PRPF8: variants seen among roughly 807,000 people sequenced by gnomAD.
The protein encoded by PRPF8 is pre-mRNA processing factor 8.
A neutral mutation model predicts 285.9 loss-of-function variants in PRPF8; 64 were observed. That is an observed-to-expected ratio of 0.22 (90% confidence interval 0.18 to 0.28). The LOEUF (loss-of-function observed/expected upper bound fraction) is 0.28. PRPF8 is among the 10% of genes least tolerant of loss of function. PRPF8 has a pLI of 1.00. For synonymous variants in PRPF8, 1,325 were observed against 1,118.2 expected (o/e 1.18, Z -3.69); for missense variants, 1,426 against 3,026.7 (o/e 0.47, Z 12.41).
chr17:1,677,416 A>G, intron 14 of PRPF8, 149 bp downstream of exon 14: 1 of 1,240,976 alleles, frequency 8.1e-7, no homozygotes, highest in Non-Finnish European at 1.2e-6. Context: ...CCCAAGAAAT[A>G]GAATACTAGG....
At position 1,681,031 on chromosome 17, in the gene PRPF8, T is replaced by C. The variant is rs765145210; in HGVS notation, c.890A>G (p.Asn297Ser). The stretch of plus-strand genomic sequence containing the variant: ...CCGGATGATAATCTTGTTAATATCA[T>C]TGAATTCATTCCAGTCTTCATCCCT... ...NLQDEDWNEF[N>S]DINKIIIRQP... Residue 297 changes from asparagine (N) to serine (S), a missense_variant, in exon 7 of 43, where the codon AAT becomes AGT. Around this residue, in one of 34 missense-constraint regions of PRPF8, gnomAD observed 157 missense variants for 159.6 expected, o/e 0.98. Coordinates refer to ENST00000304992, the MANE Select transcript of PRPF8 (RefSeq NM_006445.4). 26 of 1,613,488 alleles carry C rather than the reference T, an allele frequency of 1.6e-5. No homozygotes were observed. The highest frequency in any genetic ancestry group is 5.3e-5 in the African/African-American group (4 of 74,874).
intron 13 of PRPF8, 107 bp downstream of exon 13, chr17:1,678,411 A>G (rs1912728041): frequency 2.9e-6 from 4 of 1,398,986 alleles, no homozygotes; most frequent in Admixed American, 1.7e-5. Context: ...TGAACTCAGG[A>G]GGCGGAGGTT....
chr17:1,672,551 G>A (rs915194902), intron 24 of PRPF8, among the ~76,000 whole-genome samples: 2 of 152,174 alleles, frequency 1.3e-5, no homozygotes, highest in African/African-American at 2.4e-5. Flanking sequence ...CCAAAGTGCT[G>A]GGATTACAGG....
Position 1,673,630 on chromosome 17 carries a change from C to G in PRPF8, c.3447-63G>C, listed in dbSNP as rs573349292. 3 of 1,612,056 alleles carry G rather than the reference C, an allele frequency of 1.9e-6. No homozygotes were observed. The highest frequency in any genetic ancestry group is 2.2e-5 in the South Asian group (2 of 91,012). ...GAAGGAACTTCCCTTCAAAGGCCAA[C>G]TGATGACATCCTGACACAGCCACGC... On this transcript the variant is annotated intron_variant, in intron 22 of 42. Transcript: ENST00000304992. This position sits in a 1 kb window ranked among gnomAD's most constrained non-coding sequence, Gnocchi z 5.5.
rs1912570834 is a variant in PRPF8, at chr17:1,675,614, T to G, written c.2872+6A>C. 1 of 1,613,976 alleles carries G rather than the reference T, an allele frequency of 6.2e-7. No homozygotes were observed. Among genetic ancestry groups the G allele is most frequent in the African/African-American group, 1.3e-5 (1 of 74,896 alleles). ...TCCTCACAGGGCGATCTCATGAAAG[T>G]TCTACCTTGACACCACTTGTAAACA... On this transcript the variant is annotated splice_donor_region_variant and intron_variant, in intron 19 of 42. Transcript: ENST00000304992. This position sits in a 1 kb window ranked among gnomAD's most constrained non-coding sequence, Gnocchi z 6.0.
Position 1,659,432 on chromosome 17 carries a change from G to C in PRPF8, c.5063C>G (p.Thr1688Ser), listed in dbSNP as rs765496218. 3 of 1,614,134 alleles carry C rather than the reference G, an allele frequency of 1.9e-6. No homozygotes were observed. The highest frequency in any genetic ancestry group is 1.7e-6 in the Non-Finnish European group (2 of 1,180,022). ...RYARAKFLDY[T>S]TDNMSIYPSP... ...AGGGTAGATACTCATGTTGTCGGTG[G>C]TGTAGTCCAGGAACTTGGCCCGGGC... is the stretch of plus-strand genomic sequence containing the variant. The change falls in exon 32 of 43, where the codon ACC becomes AGC. Residue 1688 changes from threonine to serine, a missense_variant. Coordinates refer to ENST00000304992, the MANE Select transcript of PRPF8 (RefSeq NM_006445.4). This position sits in a 1 kb window ranked among gnomAD's most constrained non-coding sequence, Gnocchi z 5.1.
At chr17:1,657,969 TAAAAAA>T (rs58695090) in intron 34 of PRPF8, among the ~76,000 whole-genome samples, 1 of 94,050 alleles carries the variant, frequency 1.1e-5, no homozygotes, top group Non-Finnish European at 2.4e-5. Flanking sequence ...AGACTCCGGC[TAAAAAA>T]AAAAAAAAAA....
intron 14 of PRPF8, 36 bp from the exon 15 acceptor site, chr17:1,677,208 G>T: frequency 1.3e-6 from 2 of 1,584,294 alleles, no homozygotes; most frequent in Non-Finnish European, 8.6e-7. Context: ...TTACAAGGAA[G>T]ATTCCTTGCT....
rs772894195 is a variant in PRPF8, at chr17:1,679,406, G to A, written c.1294C>T (p.Arg432Trp). 4 of 1,612,198 alleles carry A rather than the reference G, an allele frequency of 2.5e-6. No homozygotes were observed. The highest frequency in any genetic ancestry group is 3.4e-6 in the Non-Finnish European group (4 of 1,179,962). The change falls in exon 10 of 43, where the codon CGG becomes TGG. Residue 432 changes from arginine (R) to tryptophan (W), a missense_variant. Coordinates refer to ENST00000304992, the MANE Select transcript of PRPF8 (RefSeq NM_006445.4). The surrounding 1 kb of genome is among the most constrained non-coding windows in gnomAD (Gnocchi z 4.7). Reference sequence around the variant, plus strand: ...GGCTGCCCGGCAGGACAATGCTCCCGATACCTGGAAAAATAAGCCCACCAG... The same window carrying A: ...GGCTGCCCGGCAGGACAATGCTCCCAATACCTGGAAAAATAAGCCCACCAG... ...LDIPLVKNWYREHCPAGQPVK... is the reference protein window; with the variant it reads ...LDIPLVKNWYWEHCPAGQPVK...
rs1597237863 is a variant in PRPF8 at position 1,667,191 on chromosome 17, CA to C, written c.3775-5039del. 2.6e-5 allele frequency among the ~76,000 whole-genome samples: 4 copies of C among 152,070 alleles called. 1 individual carries two copies. In the South Asian group the frequency reaches 8.3e-4, roughly 32 times the overall value. On this transcript the variant is annotated intron_variant, in intron 24 of 42. Transcript: ENST00000304992. ...CCCTCTCAAAAAAAAAAAGGAGGGC[CA>C]GGGGCCAGGATAGGCTAGATACTGG...
chr17:1,670,805 C>G (rs984478721), intron 24 of PRPF8, among the ~76,000 whole-genome samples: 4 of 152,084 alleles, frequency 2.6e-5, no homozygotes, highest in African/African-American at 7.2e-5. Flanking sequence ...TCATTTTTAT[C>G]TGGACTTCTT....
rs1912550534 is a variant in PRPF8, at chr17:1,675,283, G to C, written c.2929C>G (p.Leu977Val). ...ETSEGECNVM[L>V]ESRFEKMYEK... ...TACATCTTCTCAAAGCGGGATTCCA[G>C]CATGACATTGCACTCGCCTTCACTC... The change falls in exon 20 of 43, where the codon CTG becomes GTG. Residue 977 changes from leucine to valine, a missense_variant. By Grantham distance (32) the Leu-to-Val change is conservative. Transcript: ENST00000304992. This position sits in a 1 kb window ranked among gnomAD's most constrained non-coding sequence, Gnocchi z 6.0. 1 of 1,614,058 alleles carries C rather than the reference G, an allele frequency of 6.2e-7. No homozygotes were observed.
intron 24 of PRPF8, among the ~76,000 whole-genome samples, chr17:1,669,794 G>A (rs747962030): frequency 3.3e-5 from 5 of 152,100 alleles, no homozygotes; most frequent in African/African-American, 4.8e-5. Flanking sequence ...TCCAAGACCC[G>A]GCACCCTCCC....
At position 1,659,075 on chromosome 17, in the gene PRPF8, G is replaced by A; in HGVS notation, c.5138+282C>T. ...GAGTCTCACTCTGTCGCCCAGGCTG[G>A]AGTGCAGTGGCGCAATCTCGGTTCA... is the stretch of plus-strand genomic sequence containing the variant. On this transcript the variant is annotated intron_variant, in intron 32 of 42. Coordinates refer to ENST00000304992, the MANE Select transcript of PRPF8 (RefSeq NM_006445.4). The surrounding 1 kb of genome is among the most constrained non-coding windows in gnomAD (Gnocchi z 5.1). 1 of 580,820 alleles carries A rather than the reference G, an allele frequency of 1.7e-6. No individual in the cohort carries two copies. The highest frequency in any genetic ancestry group is 3.0e-5 in the East Asian group (1 of 33,012). 36.0% of individuals were successfully genotyped at this position (580,820 alleles called of 1,614,324 possible). A position where few individuals can be genotyped will look rare whatever the true frequency, so the allele number is the denominator to read the frequency against.
Position 1,676,637 on chromosome 17 carries a change from G to A in PRPF8, c.2256C>T (p.Asn752=), listed in dbSNP as rs1315916074. 2 of 1,614,190 alleles carry A rather than the reference G, an allele frequency of 1.2e-6. No homozygotes were observed. Residue 752 remains asparagine (N), a synonymous_variant, in exon 16 of 43, where the codon AAC becomes AAT. Transcript: ENST00000304992. The surrounding 1 kb of genome is among the most constrained non-coding windows in gnomAD (Gnocchi z 6.3). ...TCCGTTCTCGGTTGTAGTGGGCAGT[G>A]TTGGTCCACCAGTCAGCCTTGGCCT... ...YVKAKADWWT[N]TAHYNRERIR... is the part of the protein sequence containing the mutation.
In PRPF8 at chr17:1,675,454, T is replaced by A. The variant is rs16951086; in HGVS notation, c.2873-115A>T. 14 of 1,447,040 alleles carry A rather than the reference T, an allele frequency of 9.7e-6. No homozygotes were observed. Among genetic ancestry groups the A allele is most frequent in the African/African-American group, 1.4e-5 (1 of 71,136 alleles). The allele number at this position is 1,447,040 out of a possible 1,614,324, so 89.6% of individuals were successfully genotyped here. ...TCCCACTATGATTCCACGTATTCAT[T>A]TGGATTGCTTTGACTATGGGCTTTT... On this transcript the variant is annotated intron_variant, in intron 19 of 42. Coordinates refer to ENST00000304992, the MANE Select transcript of PRPF8 (RefSeq NM_006445.4). This position sits in a 1 kb window ranked among gnomAD's most constrained non-coding sequence, Gnocchi z 6.0.
At chr17:1,674,797 G>A in intron 20 of PRPF8, 117 bp from the exon 21 acceptor site, 1 of 1,068,372 alleles carries the variant, frequency 9.4e-7, no homozygotes. Context: ...CCGAGGCGGA[G>A]TTGTGCTCAG....
intron 34 of PRPF8, among the ~76,000 whole-genome samples, chr17:1,657,973 A>C (rs868049606): frequency 0.13 from 18,025 of 140,474 alleles, 2,421 homozygotes; most frequent in African/African-American, 0.41. Flanking sequence ...TCCGGCTAAA[A>C]AAAAAAAAAA....
chr17:1,663,849 G>A (rs1240644618), intron 24 of PRPF8, among the ~76,000 whole-genome samples: 1 of 151,876 alleles, frequency 6.6e-6, no homozygotes, highest in Non-Finnish European at 1.5e-5. Context: ...AAGCTGGAGT[G>A]GCACTACTGA....
Sources: gnomAD v4.1 joint callset for allele counts (sites outside exome capture counted in the v4.1 genomes callset) on GRCh38, gnomAD v4.1.1 for gene constraint, gnomAD v4.1.1 regional missense constraint, Gnocchi (gnomAD v3.1) non-coding constraint, MANE v1.5 for transcripts, NCBI Gene and HGNC (gene_info 2026-07-23, HGNC 2026-07-21) for gene names.